Variants in ANTXR1 observed in about 807,000 individuals in gnomAD.
The protein encoded by ANTXR1 is anthrax toxin receptor 1.
Under a neutral mutation model 78.1 loss-of-function variants are expected in ANTXR1, and 19 were observed. The ratio of observed to expected loss-of-function variants is 0.24; its 90% CI spans 0.17 to 0.36. The LOEUF is 0.36. Ranked by LOEUF, ANTXR1 falls within the 10% of genes least tolerant of loss-of-function variation. The probability of loss-of-function intolerance (pLI) is 1.00; values close to 1 mark genes in which losing one functional copy is unlikely to be tolerated. For missense variants in ANTXR1, 518 were observed against 718.6 expected (o/e 0.72, Z 3.19); for synonymous variants, 273 against 260.5 (o/e 1.05, Z -0.46).
At chr2:69,169,045 A>G (rs751332339) in intron 13 of ANTXR1, among the ~76,000 whole-genome samples, 4 of 152,242 alleles carry the variant, frequency 2.6e-5, no homozygotes, top group Non-Finnish European at 4.4e-5. Context: ...CAGCGTGGGG[A>G]TTGGAGCCCT....
intron 16 of ANTXR1, among the ~76,000 whole-genome samples, chr2:69,190,106 G>A (rs1012863432): frequency 2.0e-5 from 3 of 152,024 alleles, no homozygotes; most frequent in African/African-American, 4.8e-5. Context: ...AGGGGGAGGA[G>A]CAGAAGAAGC....
chr2:69,187,109 G>A (rs757998717), intron 16 of ANTXR1, among the ~76,000 whole-genome samples: 3 of 152,198 alleles, frequency 2.0e-5, no homozygotes, highest in Admixed American at 6.5e-5. Flanking sequence ...GGGTTTTTGA[G>A]AAGCAGGTGA....
chr2:69,214,029 G>A (rs1675116571), intron 17 of ANTXR1, among the ~76,000 whole-genome samples: 1 of 152,278 alleles, frequency 6.6e-6, no homozygotes, highest in African/African-American at 2.4e-5. Context: ...CTCAGCCAGG[G>A]CAGGACAGGG....
intron 1 of ANTXR1, among the ~76,000 whole-genome samples, chr2:69,037,137 G>T (rs1475493842): frequency 6.6e-6 from 1 of 152,354 alleles, no homozygotes; most frequent in South Asian, 2.1e-4. Context: ...CTTCACGTAA[G>T]TCACGGGAAT....
At chr2:69,173,614 AT>A (rs1674045562) in intron 14 of ANTXR1, among the ~76,000 whole-genome samples, 1 of 152,224 alleles carries the variant, frequency 6.6e-6, no homozygotes. Flanking sequence ...CTTCGGTCTC[AT>A]TAAATACTAT....
At chr2:69,151,031 A>G (rs760569777) in intron 12 of ANTXR1, among the ~76,000 whole-genome samples, 5 of 152,120 alleles carry the variant, frequency 3.3e-5, no homozygotes, top group Admixed American at 6.5e-5. Context: ...CACAAAAAAT[A>G]TGAATAAATA....
intron 17 of ANTXR1, among the ~76,000 whole-genome samples, chr2:69,237,671 T>C (rs1343145084): frequency 6.6e-6 from 1 of 152,226 alleles, no homozygotes; most frequent in African/African-American, 2.4e-5. Context: ...TCCACCTGCG[T>C]TGGCCTCCTA....
Position 69,102,843 on chromosome 2 carries a change from G to C in ANTXR1, c.705G>C (p.Glu235Asp). 1 of 1,614,008 alleles carries C rather than the reference G, an allele frequency of 6.2e-7. No individual in the cohort carries two copies. The highest frequency in any genetic ancestry group is 8.5e-7 in the Non-Finnish European group (1 of 1,179,964). The change falls in exon 10 of 18, where the codon GAG becomes GAC. Residue 235 changes from glutamate to aspartate, a missense_variant and splice_region_variant. Glu to Asp is a conservative substitution (Grantham distance 45). Transcript: ENST00000303714. ...TCTCGTCATTATTCTTTATTTCAGA[G>C]TCATTTCAAGTTGTCGTGAGAGGAA... The part of the protein sequence containing the change: ...AAEPSTICAG[E>D]SFQVVVRGNG...
In ANTXR1 at chr2:69,215,062, G is replaced by A. The variant is rs577970623; in HGVS notation, c.1434+21647G>A. 3.3e-5 allele frequency among the ~76,000 whole-genome samples: 5 copies of A among 152,288 alleles called. No homozygotes were observed. In the South Asian group the frequency reaches 1.0e-3, roughly 32 times the overall value. The stretch of plus-strand genomic sequence containing the variant: ...ACAAGAAAGACTTACAGGACGCATG[G>A]ATGGGCGAACCCAATTGCAGCCCCT... On this transcript the variant is annotated intron_variant, in intron 17 of 17. Coordinates refer to ENST00000303714, the MANE Select transcript of ANTXR1 (RefSeq NM_032208.3).
At chr2:69,049,366 A>G (rs1202785069) in intron 3 of ANTXR1, among the ~76,000 whole-genome samples, 3 of 152,060 alleles carry the variant, frequency 2.0e-5, no homozygotes, top group African/African-American at 7.2e-5. Flanking sequence ...GTTGGAGTGC[A>G]GTGGTGCGAA....
chr2:69,182,572 A>C lies in ANTXR1; in HGVS notation c.1265A>C (p.Glu422Ala), dbSNP rs375259396. 1 of 1,614,144 alleles carries C rather than the reference A, an allele frequency of 6.2e-7. No individual in the cohort carries two copies. The highest frequency in any genetic ancestry group is 1.3e-5 in the African/African-American group (1 of 74,944). Residue 422 changes from glutamate to alanine, a missense_variant, in exon 16 of 18, where the codon GAG (glutamate) becomes GCG (alanine). Glu to Ala is a moderately radical substitution (Grantham distance 107). Around this residue, in one of 5 missense-constraint regions of ANTXR1, gnomAD observed 192 missense variants for 230.2 expected, o/e 0.83. Coordinates refer to ENST00000303714, the MANE Select transcript of ANTXR1 (RefSeq NM_032208.3). ...AAGAATGCAAGAGTCAAGATGCCGG[A>C]GCAGGAATATGAATTCCCTGAGCCG... ...KAKNARVKMP[E>A]QEYEFPEPRN...
intron 16 of ANTXR1, among the ~76,000 whole-genome samples, chr2:69,184,203 C>T (rs769959291): frequency 6.6e-6 from 1 of 152,196 alleles, no homozygotes; most frequent in African/African-American, 2.4e-5. Flanking sequence ...GGCAGTGTAG[C>T]GAAACGTTAT....
At chr2:69,176,966 G>A (rs973759617) in intron 14 of ANTXR1, among the ~76,000 whole-genome samples, 1 of 152,078 alleles carries the variant, frequency 6.6e-6, no homozygotes, top group Non-Finnish European at 1.5e-5. Flanking sequence ...AGTCTGAGAG[G>A]GCCACCCTTT....
chr2:69,017,014 C>G (rs986891031), intron 1 of ANTXR1, among the ~76,000 whole-genome samples: 3 of 152,202 alleles, frequency 2.0e-5, no homozygotes, highest in African/African-American at 7.2e-5. Flanking sequence ...TACAGACATT[C>G]AGGTGGATGC....
intron 11 of ANTXR1, among the ~76,000 whole-genome samples, chr2:69,123,912 T>G (rs989023782): frequency 6.6e-6 from 1 of 152,252 alleles, no homozygotes; most frequent in Admixed American, 6.5e-5. Context: ...ATCTGAATTT[T>G]GCCTTCAATC....
At chr2:69,133,863 A>C (rs923277068) in intron 12 of ANTXR1, among the ~76,000 whole-genome samples, 5 of 152,208 alleles carry the variant, frequency 3.3e-5, no homozygotes, top group Non-Finnish European at 7.3e-5. Context: ...AAGACTTGAG[A>C]GGAAAAGTGG....
intron 3 of ANTXR1, among the ~76,000 whole-genome samples, chr2:69,069,885 C>T (rs28657807): frequency 0.12 from 18,160 of 152,212 alleles, 1,232 homozygotes; most frequent in East Asian, 0.23. Flanking sequence ...CATAGGGTTA[C>T]AGTTTATGAA....
chr2:69,152,636 G>A (rs1345449195), intron 13 of ANTXR1, among the ~76,000 whole-genome samples: 2 of 152,166 alleles, frequency 1.3e-5, no homozygotes, highest in Non-Finnish European at 2.9e-5. Flanking sequence ...CACATTTGTT[G>A]AGTTGCCCAA....
chr2:69,145,573 A>G (rs889393062), intron 12 of ANTXR1: 2 of 1,382,700 alleles, frequency 1.4e-6, no homozygotes, highest in Non-Finnish European at 9.3e-7. Context: ...CTTAACCAAC[A>G]GTTTTCAAGA....
Sources: allele counts gnomAD v4.1 joint callset (sites outside exome capture counted in the v4.1 genomes callset), GRCh38; gene constraint gnomAD v4.1.1; regional missense constraint gnomAD v4.1.1; transcripts MANE v1.5; gene names NCBI Gene and HGNC (gene_info 2026-07-23, HGNC 2026-07-21).